Variants in TSFM observed in about 807,000 individuals in gnomAD.
TSFM encodes elongation factor Ts, mitochondrial.
A neutral mutation model predicts 33.4 loss-of-function variants in TSFM; 29 were observed. The ratio of observed to expected loss-of-function variants is 0.87; its 90% CI spans 0.65 to 1.18. The LOEUF is 1.18. Among genes scored for constraint, TSFM ranks in the 50% most tolerant of loss-of-function variants. TSFM has a pLI of 0.00. For synonymous variants in TSFM, 178 were observed against 163.5 expected, an observed-to-expected ratio of 1.09 and a Z score of -0.68; for missense variants, 394 against 395.6, an observed-to-expected ratio of 1.00 and a Z score of 0.04.
Position 57,797,476 on chromosome 12 carries a change from C to A in TSFM, c.*893C>A. The stretch of plus-strand genomic sequence containing the variant: ...TGCCTATGGAGTGCATATATGATTT[C>A]AATGATTTACAGGCTAAATAGATTT... On this transcript the variant is annotated 3_prime_UTR_variant, in exon 6 of 6. Transcript: ENST00000652027. The A allele has an allele frequency of 1.0e-6, 1 of 982,820 alleles. No homozygotes were observed. The highest frequency in any genetic ancestry group is 1.2e-6 in the Non-Finnish European group (1 of 827,552). The allele number at this position is 982,820 out of a possible 1,614,324, so 60.9% of individuals were successfully genotyped here.
chr12:57,800,008 T>C, downstream of TSFM: 1 of 1,513,446 alleles, frequency 6.6e-7, no homozygotes, highest in Non-Finnish European at 9.0e-7. Context: ...ATTTAACATT[T>C]TGACTTATGC....
chr12:57,801,513 G>T (rs781575403), downstream of TSFM: 9 of 228,424 alleles, frequency 3.9e-5, no homozygotes, highest in Non-Finnish European at 5.3e-5. Flanking sequence ...GCTGAGGCGG[G>T]TGGATCACCT....
chr12:57,797,671 C>A, downstream of TSFM: 1 of 739,360 alleles, frequency 1.4e-6, no homozygotes, highest in Non-Finnish European at 1.8e-6. Flanking sequence ...GGCCACAAAA[C>A]CCAAAAACTA....
chr12:57,799,794 C>T (rs772757092), downstream of TSFM: 3 of 1,613,948 alleles, frequency 1.9e-6, no homozygotes, highest in Admixed American at 1.7e-5. Context: ...CAGCCACTCA[C>T]CTCCTTTTTG....
downstream of TSFM, chr12:57,801,178 A>G (rs1273508289): frequency 2.5e-6 from 4 of 1,613,646 alleles, no homozygotes; most frequent in African/African-American, 1.3e-5. Flanking sequence ...AGCATCTCCC[A>G]GCTCTTCTTT....
chr12:57,783,302 G>T lies in TSFM; in HGVS notation c.231+19G>T. 1.2e-6 allele frequency: 2 copies of T among 1,613,530 alleles called. No homozygotes were observed. The highest frequency in any genetic ancestry group is 1.1e-5 in the South Asian group (1 of 91,080). On this transcript the variant is annotated intron_variant, in intron 2 of 5. Transcript: ENST00000652027. ...CAAACAGGTGTGTGTGTGGAGGGGTGCAGGGCGGAGTACTAGAGCTCGACC... is the reference window on the plus strand; with the variant it reads ...CAAACAGGTGTGTGTGTGGAGGGGTTCAGGGCGGAGTACTAGAGCTCGACC...
At chr12:57,797,768 A>G (rs1955765285), downstream of TSFM, 1 of 867,826 alleles carries the variant, frequency 1.2e-6, no homozygotes, top group East Asian at 3.0e-5. Flanking sequence ...AGACTCTATT[A>G]TATCTAAATT....
downstream of TSFM, chr12:57,797,995 T>C (rs765024600): frequency 1.9e-6 from 3 of 1,591,954 alleles, no homozygotes; most frequent in Non-Finnish European, 2.6e-6. Context: ...GAGAGGTAAT[T>C]CTAAGAGAGA....
intron 5 of TSFM, among the ~76,000 whole-genome samples, chr12:57,794,791 G>C (rs1228081021): frequency 5.9e-5 from 9 of 152,150 alleles, no homozygotes. Flanking sequence ...ACGGAGTCTT[G>C]CTCTGTTGCC....
chr12:57,784,100 A>C lies in TSFM; in HGVS notation c.231+817A>C, dbSNP rs184470816. The C allele has an allele frequency of 4.3e-6, 3 of 702,748 alleles. No homozygotes were observed. In the African/African-American group the frequency reaches 5.2e-5, roughly 12 times the overall value. The allele number at this position is 702,748 out of a possible 1,614,324, so 43.5% of individuals were successfully genotyped here. On this transcript the variant is annotated intron_variant, in intron 2 of 5. Coordinates refer to ENST00000652027, the MANE Select transcript of TSFM (RefSeq NM_005726.6). ...ACAACCTGGGCTATATGGAATTGCCAGCTGCTCCTAGGCTACAAACCGTTA... is the reference window on the plus strand; with the variant it reads ...ACAACCTGGGCTATATGGAATTGCCCGCTGCTCCTAGGCTACAAACCGTTA...
chr12:57,802,541 T>A (rs752861604), downstream of TSFM: 37 of 762,692 alleles, frequency 4.9e-5, no homozygotes, highest in Non-Finnish European at 1.8e-5. Flanking sequence ...TTAATTGCTA[T>A]GTGTATCTTC....
At chr12:57,787,270 T>G in intron 4 of TSFM, 108 bp downstream of exon 4, 2 of 1,117,548 alleles carry the variant, frequency 1.8e-6, no homozygotes, top group Non-Finnish European at 2.5e-6. Context: ...TTCACATCTC[T>G]GCTTAAATGC....
In TSFM at chr12:57,793,184, C is replaced by T. The variant is rs763262893; in HGVS notation, c.571+111C>T. ...ATGTGCCTACAAGGGTCAGATGATACGAACGTGAGAAGTGGTGTGTGTGTT... is the reference window on the plus strand; with the variant it reads ...ATGTGCCTACAAGGGTCAGATGATATGAACGTGAGAAGTGGTGTGTGTGTT... On this transcript the variant is annotated intron_variant, in intron 5 of 5. Transcript: ENST00000652027. 128 of 884,290 alleles carry T rather than the reference C, an allele frequency of 1.4e-4. 1 individual carries two copies. Among genetic ancestry groups the T allele is most frequent in the Middle Eastern group, 6.6e-4 (3 of 4,572 alleles). 54.8% of individuals were successfully genotyped at this position (884,290 alleles called of 1,614,324 possible). A position where few individuals can be genotyped will look rare whatever the true frequency, so the allele number is the denominator to read the frequency against.
At chr12:57,798,064 G>T, downstream of TSFM, 2 of 1,218,872 alleles carry the variant, frequency 1.6e-6, no homozygotes, top group South Asian at 1.4e-5. Flanking sequence ...AGTTGAGGAA[G>T]TTGGAGCAAG....
intron 2 of TSFM, among the ~76,000 whole-genome samples, chr12:57,784,606 T>C (rs1955564419): frequency 1.3e-5 from 2 of 152,184 alleles, no homozygotes; most frequent in African/African-American, 4.8e-5. Context: ...TGGCTGGGCG[T>C]GGTGGCTCAT....
chr12:57,802,606 A>G (rs998573144), exon 6 of TSFM: 11 of 704,136 alleles, frequency 1.6e-5, no homozygotes, highest in Non-Finnish European at 2.6e-5. Context: ...CCTGAATCCA[A>G]CTTCTTGCAG....
chr12:57,783,396 A>C (rs1955541203), intron 2 of TSFM, 113 bp downstream of exon 2: 1 of 1,312,320 alleles, frequency 7.6e-7, no homozygotes, highest in South Asian at 1.2e-5. Flanking sequence ...ATAATGGCAC[A>C]GTCCTAAGTG....
At chr12:57,799,792 C>G (rs375330629), downstream of TSFM, 4 of 1,613,886 alleles carry the variant, frequency 2.5e-6, no homozygotes, top group Non-Finnish European at 2.5e-6. Context: ...TTCAGCCACT[C>G]ACCTCCTTTT....
chr12:57,796,128 A>G (rs755286020), intron 5 of TSFM, 49 bp from the exon 6 acceptor site: 2 of 1,519,122 alleles, frequency 1.3e-6, no homozygotes, highest in East Asian at 2.3e-5. Flanking sequence ...GTACCATCAC[A>G]GACATCACAA....
Sources: allele counts gnomAD v4.1 joint callset (sites outside exome capture counted in the v4.1 genomes callset), GRCh38; gene constraint gnomAD v4.1.1; transcripts MANE v1.5; gene names NCBI Gene and HGNC (gene_info 2026-07-23, HGNC 2026-07-21).